ITGAV: variants seen among roughly 807,000 people sequenced by gnomAD.
ITGAV encodes the protein integrin subunit alpha V.
In ITGAV, 76 loss-of-function variants were observed where a neutral mutation model predicts 143.8. That is an observed-to-expected ratio of 0.53 (90% CI 0.44 to 0.64). The LOEUF is 0.64. ITGAV is among the 30% of genes least tolerant of loss of function. The pLI, the probability that ITGAV is intolerant of heterozygous loss-of-function variation, is 0.00. For synonymous variants in ITGAV, 453 were observed against 446.7 expected (o/e 1.01, Z -0.18); for missense variants, 1,193 against 1,274.7 (o/e 0.94, Z 0.98).
intron 1 of ITGAV, chr2:186,600,317 TC>T: frequency 1.1e-6 from 1 of 884,308 alleles, no homozygotes; most frequent in Non-Finnish European, 1.7e-6. Context: ...CCCACTCCCC[TC>T]CATCCTCAAT....
chr2:186,653,875 A>C (rs1371732433), intron 15 of ITGAV, among the ~76,000 whole-genome samples: 1 of 152,194 alleles, frequency 6.6e-6, no homozygotes, highest in Non-Finnish European at 1.5e-5. Context: ...TTTGATACCT[A>C]AATCAGTTTT....
chr2:186,635,084 G>A (rs552841930), intron 6 of ITGAV, among the ~76,000 whole-genome samples: 33 of 152,018 alleles, frequency 2.2e-4, no homozygotes, highest in Non-Finnish European at 3.7e-4. Flanking sequence ...TTAGGACAGA[G>A]AGGTACTATT....
intron 2 of ITGAV, among the ~76,000 whole-genome samples, chr2:186,613,101 A>G (rs1226605863): frequency 1.3e-5 from 2 of 149,806 alleles, no homozygotes; most frequent in Non-Finnish European, 3.0e-5. Context: ...TTCCCTGCTC[A>G]CTTTGACCTG....
chr2:186,597,191 A>T (rs1018333284), intron 1 of ITGAV, among the ~76,000 whole-genome samples: 4 of 152,214 alleles, frequency 2.6e-5, no homozygotes, highest in African/African-American at 9.6e-5. Context: ...GTTTTCATTC[A>T]GAGAATGCTC....
intron 6 of ITGAV, among the ~76,000 whole-genome samples, chr2:186,634,914 G>C (rs1265935010): frequency 6.6e-6 from 1 of 152,068 alleles, no homozygotes; most frequent in Non-Finnish European, 1.5e-5. Context: ...TGTCAAGGAA[G>C]CTAAATTTTG....
chr2:186,630,670 C>T (rs1319555521), intron 4 of ITGAV, 127 bp from the exon 5 acceptor site: 19 of 606,094 alleles, frequency 3.1e-5, no homozygotes, highest in South Asian at 1.8e-4. Flanking sequence ...ACTAAGTGCC[C>T]GAGTGAATGA....
intron 4 of ITGAV, among the ~76,000 whole-genome samples, chr2:186,628,263 C>G (rs749317961): frequency 6.6e-6 from 1 of 152,008 alleles, no homozygotes; most frequent in Non-Finnish European, 1.5e-5. Context: ...TTTTTAATAA[C>G]TTTGCTTGTC....
chr2:186,664,443 T>C, intron 19 of ITGAV, 51 bp from the exon 20 acceptor site: 1 of 1,555,672 alleles, frequency 6.4e-7, no homozygotes. Flanking sequence ...AGTCATACTT[T>C]CCCCATGTAG....
chr2:186,648,756 G>C (rs1199548789), intron 13 of ITGAV, among the ~76,000 whole-genome samples: 2 of 152,024 alleles, frequency 1.3e-5, no homozygotes, highest in Non-Finnish European at 2.9e-5. Flanking sequence ...ACCTCCCAAA[G>C]TGCTGGGATT....
At chr2:186,609,596 A>G (rs1687158580) in intron 2 of ITGAV, among the ~76,000 whole-genome samples, 1 of 152,192 alleles carries the variant, frequency 6.6e-6, no homozygotes, top group African/African-American at 2.4e-5. Flanking sequence ...TAAAGGAGGC[A>G]TAACTGGAAA....
At position 186,590,223 on chromosome 2, in the gene ITGAV, G is replaced by C. The variant is rs1212220669; in HGVS notation, c.-116G>C. 3 of 854,466 alleles carry C rather than the reference G, an allele frequency of 3.5e-6. No homozygotes were observed. The highest frequency in any genetic ancestry group is 1.8e-5 in the African/African-American group (1 of 55,364). The allele number at this position is 854,466 out of a possible 1,614,324, so 52.9% of individuals were successfully genotyped here. On this transcript the variant is annotated 5_prime_UTR_variant, in exon 1 of 30. Transcript: ENST00000261023. ...AGCTGTCCCGGGCTAGCCGAGAAGA[G>C]AGCGGCCGGCAAGTTTGGGCGCGCG...
In ITGAV at chr2:186,642,120, C is replaced by T. The variant is rs546327419; in HGVS notation, c.1159+532C>T. On this transcript the variant is annotated intron_variant, in intron 12 of 29. Transcript: ENST00000261023. ...GGCATATTAAAAGTATAAGCCTATT[C>T]GTTTATAATAGTACCATTTTAATAG... 3.2e-3 allele frequency among the ~76,000 whole-genome samples: 481 copies of T among 152,154 alleles called. 2 individuals are homozygous for T. The highest frequency in any genetic ancestry group is 0.011 in the African/African-American group (474 of 41,504).
At chr2:186,625,337 A>G (rs1189457904) in intron 3 of ITGAV, 136 bp from the exon 4 acceptor site, 2 of 623,490 alleles carry the variant, frequency 3.2e-6, no homozygotes, top group Non-Finnish European at 5.7e-6. Flanking sequence ...ACGTCACTGC[A>G]CTCCAGCCTG....
In ITGAV at chr2:186,649,347, C is replaced by G. The variant is rs533828189; in HGVS notation, c.1352-493C>G. On this transcript the variant is annotated intron_variant, in intron 13 of 29. Coordinates refer to ENST00000261023, the MANE Select transcript of ITGAV (RefSeq NM_002210.5). ...TGGGTATACTGTGAGATAGAGCTCT[C>G]ATTTGACTTTTTCTGAATCGTGAAC... is the stretch of plus-strand genomic sequence containing the variant. Among the ~76,000 whole-genome samples, 43 of 151,688 alleles carry G rather than the reference C, an allele frequency of 2.8e-4. 1 individual carries two copies. The highest frequency in any genetic ancestry group is 3.4e-3 in the Middle Eastern group (1 of 290).
chr2:186,650,246 G>A (rs1421596589), intron 14 of ITGAV, among the ~76,000 whole-genome samples: 1 of 152,198 alleles, frequency 6.6e-6, no homozygotes, highest in East Asian at 1.9e-4. Flanking sequence ...TGGAGACAGA[G>A]TTTCAGTGCA....
At chr2:186,669,030 T>G in intron 25 of ITGAV, 110 bp downstream of exon 25, 2 of 994,764 alleles carry the variant, frequency 2.0e-6, no homozygotes, top group Non-Finnish European at 2.9e-6. Flanking sequence ...TAAAACCCAC[T>G]CTGCAAAAAA....
chr2:186,639,238 A>T (rs1027277717), intron 10 of ITGAV, among the ~76,000 whole-genome samples: 2 of 152,216 alleles, frequency 1.3e-5, no homozygotes, highest in Admixed American at 1.3e-4. Flanking sequence ...GTTGGTAATG[A>T]TGAATAAACA....
intron 12 of ITGAV, among the ~76,000 whole-genome samples, chr2:186,645,303 G>C (rs911807703): frequency 2.0e-5 from 3 of 152,148 alleles, no homozygotes; most frequent in Non-Finnish European, 2.9e-5. Flanking sequence ...GAACGACATT[G>C]ATCTATCATT....
intron 2 of ITGAV, among the ~76,000 whole-genome samples, chr2:186,610,863 C>T (rs1164682531): frequency 6.6e-6 from 1 of 152,164 alleles, no homozygotes; most frequent in Non-Finnish European, 1.5e-5. Context: ...AATATTGAGA[C>T]TATTCATGTA....
Sources: gnomAD v4.1 joint callset for allele counts (sites outside exome capture counted in the v4.1 genomes callset) on GRCh38, gnomAD v4.1.1 for gene constraint, MANE v1.5 for transcripts, NCBI Gene and HGNC (gene_info 2026-07-23, HGNC 2026-07-21) for gene names.